The following BRCA2 variants were observed in gnomAD, a reference collection of about 807,000 sequenced individuals.
BRCA2 encodes the protein BRCA2 DNA repair associated, also known as breast cancer type 2 susceptibility protein.
In BRCA2, 203 loss-of-function variants were observed where a neutral mutation model predicts 276.7. That is an observed-to-expected ratio of 0.73 (90% CI 0.65 to 0.82). The LOEUF is 0.82. Ranked by LOEUF, BRCA2 falls within the 40% of genes least tolerant of loss-of-function variation. The probability of loss-of-function intolerance (pLI) is 0.00; values close to 1 mark genes in which losing one functional copy is unlikely to be tolerated. For synonymous variants in BRCA2, 1,289 were observed against 1,338.4 expected (o/e 0.96, Z 0.81); for missense variants, 3,920 against 3,915.0 (o/e 1.00, Z -0.03).
Position 32,337,339 on chromosome 13 carries a change from G to C in BRCA2, c.2984G>C (p.Gly995Ala), listed in dbSNP as rs397507299. Residue 995 changes from glycine (G) to alanine (A), a missense_variant, in exon 11 of 27, where the codon GGA (glycine) becomes GCA (alanine). This residue lies in a region of BRCA2 where 3,263 missense variants were observed against 3,156.9 expected (regional missense o/e 1.03). Transcript: ENST00000380152. The stretch of plus-strand genomic sequence containing the variant: ...AATGATTACATGAACAAATGGGCAG[G>C]ACTCTTAGGTCCAATTTCAAATCAC... The part of the protein sequence containing the change: ...KNNDYMNKWA[G>A]LLGPISNHSF... 1 of 1,613,712 alleles carries C rather than the reference G, an allele frequency of 6.2e-7. No individual in the cohort carries two copies.
intron 20 of BRCA2, among the ~76,000 whole-genome samples, chr13:32,372,245 A>T (rs1433296966): frequency 6.6e-6 from 1 of 152,238 alleles, no homozygotes; most frequent in Non-Finnish European, 1.5e-5. Flanking sequence ...CATTTCAACA[A>T]TATTCACAGC....
chr13:32,329,797 G>A (rs1205731683), intron 8 of BRCA2, among the ~76,000 whole-genome samples: 1 of 147,706 alleles, frequency 6.8e-6, no homozygotes, highest in African/African-American at 2.5e-5. Flanking sequence ...TATTAAAAAT[G>A]TGTAGTATTT....
intron 26 of BRCA2, among the ~76,000 whole-genome samples, chr13:32,397,379 T>A (rs2137660788): frequency 6.6e-6 from 1 of 152,328 alleles, no homozygotes. Flanking sequence ...TCACAGTAGA[T>A]GCAAATCAAG....
intron 7 of BRCA2, among the ~76,000 whole-genome samples, chr13:32,328,792 C>T (rs570730685): frequency 6.6e-6 from 1 of 151,904 alleles, no homozygotes; most frequent in Non-Finnish European, 1.5e-5. Context: ...GTATTTTATC[C>T]AGAAGTCCTA....
chr13:32,359,835 T>A (rs1161231694), intron 16 of BRCA2, among the ~76,000 whole-genome samples: 1 of 152,210 alleles, frequency 6.6e-6, no homozygotes, highest in Admixed American at 6.5e-5. Context: ...TTCTGATAAT[T>A]CAGCAAATCT....
rs2137449884 is a variant in BRCA2 at position 32,326,163 on chromosome 13, AC to A, written c.475+14del. 7 of 1,609,230 alleles carry A rather than the reference AC, an allele frequency of 4.3e-6. No homozygotes were observed. Among genetic ancestry groups the A allele is most frequent in the Non-Finnish European group, 6.0e-6 (7 of 1,176,162 alleles). ...AGAGATAAGTCAGGTATGATTAAAA[AC>A]AATGCTTTTTATTCTTAGAATACTA... On this transcript the variant is annotated intron_variant, in intron 5 of 26. Transcript: ENST00000380152.
intron 13 of BRCA2, among the ~76,000 whole-genome samples, chr13:32,351,059 C>T (rs539384812): frequency 7.2e-5 from 11 of 152,154 alleles, no homozygotes; most frequent in East Asian, 3.9e-4. Context: ...ATCAGCAGGA[C>T]GTGGGCGGGG....
In BRCA2 at chr13:32,319,117, T is replaced by C; in HGVS notation, c.108T>C (p.Ser36=). 6.2e-7 allele frequency: 1 copy of C among 1,613,550 alleles called. No homozygotes were observed. The highest frequency in any genetic ancestry group is 8.5e-7 in the Non-Finnish European group (1 of 1,179,492). Residue 36 remains serine (S), a synonymous_variant, in exon 3 of 27, where the codon TCT becomes TCC. Coordinates refer to ENST00000380152, the MANE Select transcript of BRCA2 (RefSeq NM_000059.4). ...GTCTTAATTGGTTTGAAGAACTTTC[T>C]TCAGAAGCTCCACCCTATAATTCTG... ...PISLNWFEEL[S]SEAPPYNSEP... is the part of the protein sequence containing the mutation.
intron 2 of BRCA2, among the ~76,000 whole-genome samples, chr13:32,318,064 A>T (rs2072276470): frequency 6.6e-6 from 1 of 152,206 alleles, no homozygotes; most frequent in Non-Finnish European, 1.5e-5. Flanking sequence ...CTTACATTAA[A>T]CTGGCATTAT....
At position 32,336,491 on chromosome 13, in the gene BRCA2, G is replaced by A. The variant is rs886037813; in HGVS notation, c.2136G>A (p.Leu712=). The A allele has an allele frequency of 3.7e-6, 6 of 1,614,088 alleles. No homozygotes were observed. The highest frequency in any genetic ancestry group is 5.1e-6 in the Non-Finnish European group (6 of 1,180,016). The change falls in exon 11 of 27, where the codon CTG becomes CTA. Residue 712 remains leucine (L), a synonymous_variant. Coordinates refer to ENST00000380152, the MANE Select transcript of BRCA2 (RefSeq NM_000059.4). ...CAGAAGCTGATTCTCTGTCATGCCT[G>A]CAGGAAGGACAGTGTGAAAATGATC... ...ITPEADSLSC[L]QEGQCENDPK...
At chr13:32,316,320 A>T in intron 1 of BRCA2, 102 bp from the exon 2 acceptor site, 1 of 767,508 alleles carries the variant, frequency 1.3e-6, no homozygotes, top group Non-Finnish European at 2.3e-6. Flanking sequence ...ATGGGACTGA[A>T]TTAGAATTCA....
Position 32,338,126 on chromosome 13 carries a change from A to G in BRCA2, c.3771A>G (p.Pro1257=), listed in dbSNP as rs759855937. 6.2e-6 allele frequency: 10 copies of G among 1,607,032 alleles called. No homozygotes were observed. The African/African-American group carries it at 1.3e-4, about 22-fold the overall frequency. The part of the protein sequence containing the change: ...ISEETSAEVH[P]ISLSSSKCHD... The stretch of plus-strand genomic sequence containing the variant: ...AGGAAACTTCTGCAGAGGTACATCC[A>G]ATAAGTTTATCTTCAAGTAAATGTC... Residue 1257 remains proline (P), a synonymous_variant, in exon 11 of 27, where the codon CCA becomes CCG. Transcript: ENST00000380152.
chr13:32,376,837 G>A (rs1240700945), intron 21 of BRCA2, 46 bp downstream of exon 21: 2 of 1,609,016 alleles, frequency 1.2e-6, no homozygotes, highest in Non-Finnish European at 1.7e-6. Flanking sequence ...GATTATTCAA[G>A]GTGAGAAGCT....
intron 16 of BRCA2, among the ~76,000 whole-genome samples, chr13:32,360,502 G>T (rs1378082149): frequency 6.6e-6 from 1 of 152,182 alleles, no homozygotes; most frequent in East Asian, 1.9e-4. Flanking sequence ...TGGGACTACA[G>T]GCGCGCACCA....
rs1045627257 is a variant in BRCA2 at position 32,384,824 on chromosome 13, A to G, written c.9256+4679A>G. The G allele has an allele frequency of 6.1e-5, 17 of 277,884 alleles. 1 individual carries two copies. Among genetic ancestry groups the G allele is most frequent in the Non-Finnish European group, 7.7e-5 (10 of 130,638 alleles). 17.2% of individuals were successfully genotyped at this position (277,884 alleles called of 1,614,324 possible). A position where few individuals can be genotyped will look rare whatever the true frequency, so the allele number is the denominator to read the frequency against. The stretch of plus-strand genomic sequence containing the variant: ...ACTAAATACAGTGTGGGAATACACA[A>G]TACACAACCTACTAGCCTATGTGAA... On this transcript the variant is annotated intron_variant, in intron 24 of 26. Transcript: ENST00000380152.
chr13:32,348,218 A>T (rs935091157), intron 13 of BRCA2, among the ~76,000 whole-genome samples: 3 of 152,132 alleles, frequency 2.0e-5, no homozygotes, highest in African/African-American at 7.2e-5. Context: ...TGGATCTATC[A>T]TCTGAAAATA....
Position 32,319,060 on chromosome 13 carries a change from A to G in BRCA2, c.68-17A>G, listed in dbSNP as rs1060504621. The G allele has an allele frequency of 6.4e-6, 10 of 1,572,034 alleles. No individual in the cohort carries two copies. Among genetic ancestry groups the G allele is most frequent in the Non-Finnish European group, 6.9e-6 (8 of 1,151,510 alleles). ...TGTCACTGGTTAAAACTAAGGTGGGATTTTTTTTTTAAATAGATTTAGGAC... is the reference window on the plus strand; with the variant it reads ...TGTCACTGGTTAAAACTAAGGTGGGGTTTTTTTTTTAAATAGATTTAGGAC... On this transcript the variant is annotated splice_polypyrimidine_tract_variant and intron_variant, in intron 2 of 26. Coordinates refer to ENST00000380152, the MANE Select transcript of BRCA2 (RefSeq NM_000059.4).
intron 18 of BRCA2, among the ~76,000 whole-genome samples, chr13:32,365,220 T>C (rs976551811): frequency 2.7e-5 from 4 of 149,918 alleles, no homozygotes; most frequent in Admixed American, 1.3e-4. Flanking sequence ...TAGGCTGGTC[T>C]TGAACTTCTG....
rs766194968 is a variant in BRCA2, at chr13:32,325,109, T to G, written c.350T>G (p.Leu117Arg). ...RNVPNSRHKS[L>R]RTVKTKMDQA... Reference sequence around the variant, plus strand: ...GTTCCCAATAGTAGACATAAAAGTCTTCGCACAGTGAAAACTAAAATGGAT... The same window carrying G: ...GTTCCCAATAGTAGACATAAAAGTCGTCGCACAGTGAAAACTAAAATGGAT... Residue 117 changes from leucine (L) to arginine (R), a missense_variant, in exon 4 of 27, where the codon CTT becomes CGT. Coordinates refer to ENST00000380152, the MANE Select transcript of BRCA2 (RefSeq NM_000059.4). The G allele has an allele frequency of 1.9e-6, 3 of 1,607,222 alleles. No homozygotes were observed. The South Asian group carries it at 3.3e-5, about 18-fold the overall frequency.
Sources: gnomAD v4.1 joint callset for allele counts (sites outside exome capture counted in the v4.1 genomes callset) on GRCh38, gnomAD v4.1.1 for gene constraint, gnomAD v4.1.1 regional missense constraint, MANE v1.5 for transcripts, NCBI Gene and HGNC (gene_info 2026-07-23, HGNC 2026-07-21) for gene names.